Variants in CAMSAP1 observed in about 807,000 individuals in gnomAD.
The protein encoded by CAMSAP1 is calmodulin-regulated spectrin-associated protein 1.
CAMSAP1 carries 58 observed loss-of-function variants against 143.5 expected under a neutral mutation model. That is an observed-to-expected ratio of 0.40 (90% confidence interval 0.33 to 0.50). The LOEUF (loss-of-function observed/expected upper bound fraction) is 0.50. CAMSAP1 is among the 20% of genes least tolerant of loss of function. The pLI, the probability that CAMSAP1 is intolerant of heterozygous loss-of-function variation, is 0.45. For synonymous variants in CAMSAP1, 945 were observed against 859.3 expected (o/e 1.10, Z -1.74); for missense variants, 1,969 against 2,115.7 (o/e 0.93, Z 1.36).
chr9:135,835,053 G>A (rs914642062), intron 7 of CAMSAP1, among the ~76,000 whole-genome samples: 3 of 152,066 alleles, frequency 2.0e-5, no homozygotes, highest in African/African-American at 7.2e-5. Context: ...TGAAGTGCTG[G>A]ACTCTGAGGG....
chr9:135,836,817 A>T, intron 7 of CAMSAP1: 1 of 983,910 alleles, frequency 1.0e-6, no homozygotes, highest in Non-Finnish European at 1.2e-6. Context: ...CCCGTTCTAC[A>T]GACATGTCAC....
At chr9:135,901,184 G>A (rs894597796) in intron 1 of CAMSAP1, among the ~76,000 whole-genome samples, 1 of 152,218 alleles carries the variant, frequency 6.6e-6, no homozygotes, top group Non-Finnish European at 1.5e-5. Context: ...TCAGCTGACT[G>A]TAACTCACCC....
At chr9:135,881,492 C>T (rs1837947079) in intron 3 of CAMSAP1, 141 bp downstream of exon 3, 5 of 951,140 alleles carry the variant, frequency 5.3e-6, no homozygotes, top group Non-Finnish European at 6.3e-6. Flanking sequence ...CTACAGCAGA[C>T]ACATTTCTGG....
chr9:135,856,201 G>A (rs1044319263), intron 5 of CAMSAP1, among the ~76,000 whole-genome samples: 22 of 152,336 alleles, frequency 1.4e-4, no homozygotes, highest in Admixed American at 4.6e-4. Context: ...AAAGAAAGCA[G>A]TTTATTGGAC....
chr9:135,827,709 C>T, intron 7 of CAMSAP1, 125 bp from the exon 8 acceptor site: 1 of 939,218 alleles, frequency 1.1e-6, no homozygotes, highest in Non-Finnish European at 1.5e-6. Flanking sequence ...CCAAAAAAAA[C>T]TGGTTTCAAG....
intron 5 of CAMSAP1, 49 bp from the exon 6 acceptor site, chr9:135,850,510 C>CGAGA (rs199548741): frequency 4.9e-6 from 7 of 1,440,322 alleles, no homozygotes; most frequent in Non-Finnish European, 6.5e-6. Context: ...TATTCTGCTT[C>CGAGA]GAGAGAGAGA....
At chr9:135,831,661 AAAC>A (rs773745362) in intron 7 of CAMSAP1, among the ~76,000 whole-genome samples, 4 of 152,186 alleles carry the variant, frequency 2.6e-5, no homozygotes, top group African/African-American at 4.8e-5. Context: ...AAATAGAGAA[AAAC>A]AATAGAAAAA....
intron 7 of CAMSAP1, among the ~76,000 whole-genome samples, chr9:135,845,413 C>T (rs182063294): frequency 6.6e-6 from 1 of 152,152 alleles, no homozygotes; most frequent in Non-Finnish European, 1.5e-5. Flanking sequence ...CAACATCATA[C>T]TGAATGGGCA....
At chr9:135,856,613 G>A (rs909811156) in intron 5 of CAMSAP1, among the ~76,000 whole-genome samples, 3 of 152,178 alleles carry the variant, frequency 2.0e-5, no homozygotes, top group Non-Finnish European at 4.4e-5. Flanking sequence ...AGTGCAGGTG[G>A]TCCTCTGTGT....
chr9:135,813,576 C>G (rs966150654), intron 16 of CAMSAP1, among the ~76,000 whole-genome samples: 1 of 152,168 alleles, frequency 6.6e-6, no homozygotes, highest in Non-Finnish European at 1.5e-5. Context: ...GCTGCCTGCA[C>G]GATAAGGAAG....
At chr9:135,885,378 C>T (rs1838090530) in intron 1 of CAMSAP1, among the ~76,000 whole-genome samples, 1 of 152,200 alleles carries the variant, frequency 6.6e-6, no homozygotes, top group African/African-American at 2.4e-5. Flanking sequence ...CCCTCTCCTC[C>T]CACTTAGACA....
At chr9:135,875,913 A>G (rs1837731696) in intron 3 of CAMSAP1, among the ~76,000 whole-genome samples, 1 of 152,226 alleles carries the variant, frequency 6.6e-6, no homozygotes, top group East Asian at 1.9e-4. Context: ...AGGACAAACC[A>G]TAAAAGGAAA....
intron 7 of CAMSAP1, among the ~76,000 whole-genome samples, chr9:135,832,856 C>T (rs931043048): frequency 6.6e-6 from 1 of 152,030 alleles, no homozygotes; most frequent in African/African-American, 2.4e-5. Flanking sequence ...ACACTGAAAA[C>T]AATAGAACAC....
intron 5 of CAMSAP1, among the ~76,000 whole-genome samples, chr9:135,850,827 C>A (rs1209497020): frequency 6.6e-6 from 1 of 152,188 alleles, no homozygotes; most frequent in Non-Finnish European, 1.5e-5. Context: ...CCATCAGAAA[C>A]CCTCTGCACA....
chr9:135,836,088 C>G, intron 7 of CAMSAP1: 1 of 984,706 alleles, frequency 1.0e-6, no homozygotes, highest in Non-Finnish European at 1.2e-6. Context: ...GCAGAAACTT[C>G]GGAAAGAGAG....
At chr9:135,848,834 G>C (rs987847400) in intron 7 of CAMSAP1, among the ~76,000 whole-genome samples, 3 of 152,206 alleles carry the variant, frequency 2.0e-5, no homozygotes, top group African/African-American at 7.2e-5. Flanking sequence ...TTTCCCTGAG[G>C]ATACACCACA....
chr9:135,870,589 T>C (rs994798571), intron 3 of CAMSAP1, among the ~76,000 whole-genome samples: 1 of 152,042 alleles, frequency 6.6e-6, no homozygotes, highest in Non-Finnish European at 1.5e-5. Context: ...AAGGCGAGGA[T>C]ATCAAGGCAA....
chr9:135,847,076 G>A (rs763171467), intron 7 of CAMSAP1, among the ~76,000 whole-genome samples: 30 of 152,026 alleles, frequency 2.0e-4, no homozygotes, highest in Non-Finnish European at 3.4e-4. Context: ...GGCCGGGCAC[G>A]GTGGCTCACA....
intron 3 of CAMSAP1, among the ~76,000 whole-genome samples, chr9:135,879,839 CA>C (rs1475690754): frequency 1.3e-5 from 2 of 151,834 alleles, no homozygotes; most frequent in Non-Finnish European, 2.9e-5. Flanking sequence ...ACAGGGGAGT[CA>C]CTGGAACGGC....
Sources: allele counts gnomAD v4.1 joint callset (sites outside exome capture counted in the v4.1 genomes callset), GRCh38; gene constraint gnomAD v4.1.1; transcripts MANE v1.5; gene names NCBI Gene and HGNC (gene_info 2026-07-23, HGNC 2026-07-21).